The following HSDL1 variants were observed in gnomAD, a reference collection of about 807,000 sequenced individuals.
HSDL1 encodes hydroxysteroid dehydrogenase like 1, also known as inactive hydroxysteroid dehydrogenase-like protein 1.
In HSDL1, 29 loss-of-function variants were observed where a neutral mutation model predicts 31.5. That is an observed-to-expected ratio of 0.92 (90% CI 0.69 to 1.26). HSDL1 has a LOEUF of 1.26. Among genes scored for constraint, HSDL1 ranks in the 50% most tolerant of loss-of-function variants. The probability of loss-of-function intolerance (pLI) is 0.00; values close to 1 mark genes in which losing one functional copy is unlikely to be tolerated. For missense variants in HSDL1, 503 were observed against 416.6 expected, an observed-to-expected ratio of 1.21 and a Z score of -1.81; for synonymous variants, 222 against 155.2, an observed-to-expected ratio of 1.43 and a Z score of -3.20.
intron 2 of HSDL1, among the ~76,000 whole-genome samples, chr16:84,134,440 T>C (rs921552895): frequency 1.3e-5 from 2 of 151,928 alleles, no homozygotes; most frequent in Non-Finnish European, 2.9e-5. Flanking sequence ...CTGGCCAACA[T>C]GGTGAAACCT....
chr16:84,126,746 A>G (rs1452571183), intron 5 of HSDL1, among the ~76,000 whole-genome samples: 1 of 152,046 alleles, frequency 6.6e-6, no homozygotes, highest in Non-Finnish European at 1.5e-5. Context: ...CCACACACAC[A>G]CACACTCACG....
chr16:84,137,709 C>G (rs187786126), intron 1 of HSDL1, among the ~76,000 whole-genome samples: 2 of 152,320 alleles, frequency 1.3e-5, no homozygotes, highest in East Asian at 3.9e-4. Context: ...CTTCCCCACC[C>G]TTCTGTACAT....
Position 84,124,591 on chromosome 16 carries a change from C to A in HSDL1, c.*39G>T. 1 of 1,237,672 alleles carries A rather than the reference C, an allele frequency of 8.1e-7. No homozygotes were observed. Among genetic ancestry groups the A allele is most frequent in the Non-Finnish European group, 1.2e-6 (1 of 837,212 alleles). The allele number at this position is 1,237,672 out of a possible 1,614,324, so 76.7% of individuals were successfully genotyped here. On this transcript the variant is annotated 3_prime_UTR_variant, in exon 6 of 6. Transcript: ENST00000219439. ...TTCCAAATGTCAGAATATCGAGGTT[C>A]CCAGGAGTTGGCAAAACTTCTCAAG...
At chr16:84,141,717 T>C (rs574790810) in intron 1 of HSDL1, among the ~76,000 whole-genome samples, 17 of 152,374 alleles carry the variant, frequency 1.1e-4, no homozygotes, top group African/African-American at 3.8e-4. Context: ...TATCTCATTA[T>C]GGTTTTAATT....
Position 84,122,229 on chromosome 16 carries a change from C to A in HSDL1, c.*2401G>T, listed in dbSNP as rs773699812. ...CAATCACTCCTAAGAAAAAAAAATT[C>A]TCTCATTCCAAATTACAAACAACCA... On this transcript the variant is annotated 3_prime_UTR_variant, in exon 6 of 6. Transcript: ENST00000219439. The A allele has an allele frequency of 1.2e-4, 18 of 152,618 alleles. No individual in the cohort carries two copies. Among genetic ancestry groups the A allele is most frequent in the Admixed American group, 7.2e-4 (11 of 15,276 alleles). The allele number at this position is 152,618 out of a possible 1,614,324, so 9.5% of individuals were successfully genotyped here.
intron 5 of HSDL1, among the ~76,000 whole-genome samples, chr16:84,126,626 A>G (rs186192439): frequency 1.6e-4 from 24 of 152,362 alleles, no homozygotes; most frequent in Admixed American, 5.9e-4. Context: ...GCCCTTGGCA[A>G]GTACTGACAT....
intron 5 of HSDL1, among the ~76,000 whole-genome samples, 200 bp downstream of exon 5, chr16:84,129,348 C>G (rs2086639020): frequency 6.6e-6 from 1 of 152,050 alleles, no homozygotes; most frequent in Non-Finnish European, 1.5e-5. Flanking sequence ...CCACTGCACT[C>G]CAGCCTGGGT....
At position 84,130,444 on chromosome 16, in the gene HSDL1, T is replaced by C. The variant is rs758022803; in HGVS notation, c.221-13A>G. Reference sequence around the variant, plus strand: ...CCATCTGTTGCACCTAGGATGCAAGTCAGGAAAAGTGAGCATGTGTATTTC... The same window carrying C: ...CCATCTGTTGCACCTAGGATGCAAGCCAGGAAAAGTGAGCATGTGTATTTC... On this transcript the variant is annotated splice_polypyrimidine_tract_variant and intron_variant, in intron 3 of 5. Transcript: ENST00000219439. The C allele has an allele frequency of 1.3e-6, 2 of 1,591,692 alleles. No individual in the cohort carries two copies. Among genetic ancestry groups the C allele is most frequent in the East Asian group, 2.2e-5 (1 of 44,742 alleles).
At chr16:84,140,984 G>A (rs199643583) in intron 1 of HSDL1, among the ~76,000 whole-genome samples, 1 of 151,214 alleles carries the variant, frequency 6.6e-6, no homozygotes, top group African/African-American at 2.5e-5. Context: ...CCAGCTACTC[G>A]GGAGGCTGAG....
Position 84,124,632 on chromosome 16 carries a change from A to C in HSDL1, c.991T>G (p.Ter331GlyextTer6). 6.2e-7 allele frequency: 1 copy of C among 1,607,114 alleles called. No individual in the cohort carries two copies. Among genetic ancestry groups the C allele is most frequent in the African/African-American group, 1.3e-5 (1 of 74,966 alleles). The change falls in exon 6 of 6, where the codon TGA (stop) becomes GGA (glycine). Residue 331 changes from the stop codon to glycine (G), a stop_lost. Coordinates refer to ENST00000219439, the MANE Select transcript of HSDL1 (RefSeq NM_031463.5). ...LRKEALSCTA[*>G] ...ACTTCTCAAGTGGCCATCCAGACTC[A>C]GGCTGTGCAGGATAAGGCTTCCTTA...
intron 1 of HSDL1, among the ~76,000 whole-genome samples, chr16:84,142,088 A>G (rs1340871768): frequency 6.6e-6 from 1 of 151,988 alleles, no homozygotes; most frequent in African/African-American, 2.4e-5. Flanking sequence ...CACCAAGCCC[A>G]GTTAAATTTT....
chr16:84,131,699 G>A (rs1255560812), intron 2 of HSDL1, among the ~76,000 whole-genome samples: 3 of 88,396 alleles, frequency 3.4e-5, no homozygotes, highest in East Asian at 3.1e-4. Flanking sequence ...TTTTTTTTTT[G>A]AGACGGAGTC....
chr16:84,128,883 T>C (rs2086634263), intron 5 of HSDL1, among the ~76,000 whole-genome samples: 1 of 152,078 alleles, frequency 6.6e-6, no homozygotes, highest in South Asian at 2.1e-4. Flanking sequence ...AATTTTTGTA[T>C]TTTTAGTACA....
Position 84,122,399 on chromosome 16 carries a change from C to G in HSDL1, c.*2231G>C, listed in dbSNP as rs546051694. 2.0e-5 allele frequency: 3 copies of G among 151,300 alleles called. No individual in the cohort carries two copies. Among genetic ancestry groups the G allele is most frequent in the Non-Finnish European group, 4.4e-5 (3 of 67,900 alleles). The allele number at this position is 151,300 out of a possible 1,614,324, so 9.4% of individuals were successfully genotyped here. A position where few individuals can be genotyped will look rare whatever the true frequency, so the allele number is the denominator to read the frequency against. On this transcript the variant is annotated 3_prime_UTR_variant, in exon 6 of 6. Coordinates refer to ENST00000219439, the MANE Select transcript of HSDL1 (RefSeq NM_031463.5). Reference sequence around the variant, plus strand: ...TTTGAGACAGGGTCTCGCTCTGTCTCAAGGCTGGAGTGCAGTGGCACGATC... The same window carrying G: ...TTTGAGACAGGGTCTCGCTCTGTCTGAAGGCTGGAGTGCAGTGGCACGATC...
chr16:84,126,466 T>C (rs1195957723), intron 5 of HSDL1, among the ~76,000 whole-genome samples: 2 of 152,118 alleles, frequency 1.3e-5, no homozygotes, highest in Non-Finnish European at 2.9e-5. Flanking sequence ...TTCAACATCC[T>C]ACAATACACA....
chr16:84,138,628 T>C (rs924801569), intron 1 of HSDL1, among the ~76,000 whole-genome samples: 6 of 152,202 alleles, frequency 3.9e-5, no homozygotes, highest in Non-Finnish European at 7.3e-5. Context: ...GTTGGAAAAA[T>C]ATAAAATAAT....
At chr16:84,130,501 C>T (rs2086653094) in intron 3 of HSDL1, 70 bp from the exon 4 acceptor site, 2 of 1,310,668 alleles carry the variant, frequency 1.5e-6, no homozygotes, top group African/African-American at 1.5e-5. Context: ...ACCCAAAGTA[C>T]CCCCTGTCAG....
intron 1 of HSDL1, among the ~76,000 whole-genome samples, chr16:84,143,674 T>C (rs2151194021): frequency 1.3e-5 from 2 of 152,236 alleles, no homozygotes; most frequent in South Asian, 4.1e-4. Flanking sequence ...TTCAACTCTG[T>C]TGCCCTAGAA....
intron 1 of HSDL1, among the ~76,000 whole-genome samples, chr16:84,138,387 G>C (rs1219510146): frequency 6.6e-6 from 1 of 152,220 alleles, no homozygotes; most frequent in African/African-American, 2.4e-5. Context: ...CGTCTGGAGA[G>C]CTAATGTACA....
Sources: gnomAD v4.1 joint callset for allele counts (sites outside exome capture counted in the v4.1 genomes callset) on GRCh38, gnomAD v4.1.1 for gene constraint, MANE v1.5 for transcripts, NCBI Gene and HGNC (gene_info 2026-07-23, HGNC 2026-07-21) for gene names.